Variants in KPNA7 observed in about 807,000 individuals in gnomAD.
KPNA7 encodes karyopherin subunit alpha 7, also known as importin subunit alpha-8.
In KPNA7, 54 loss-of-function variants were observed where a neutral mutation model predicts 53.7. That is an observed-to-expected ratio of 1.01 (90% CI 0.81 to 1.26). The LOEUF is 1.26. Among genes scored for constraint, KPNA7 ranks in the 50% most tolerant of loss-of-function variants. KPNA7 has a pLI of 0.00. For synonymous variants in KPNA7, 276 were observed against 259.3 expected, an observed-to-expected ratio of 1.06 and a Z score of -0.62; for missense variants, 640 against 644.5, an observed-to-expected ratio of 0.99 and a Z score of 0.07.
At chr7:99,218,565 G>A (rs950431926) in intron 1 of KPNA7, among the ~76,000 whole-genome samples, 1 of 152,164 alleles carries the variant, frequency 6.6e-6, no homozygotes, top group Non-Finnish European at 1.5e-5. Context: ...CACCCCGCAA[G>A]CCCGCGTCTG....
intron 5 of KPNA7, among the ~76,000 whole-genome samples, chr7:99,193,699 A>G (rs992329811): frequency 4.4e-4 from 67 of 150,806 alleles, no homozygotes; most frequent in Non-Finnish European, 8.7e-4. Context: ...GGAGGGGGAT[A>G]CAGGATCTCA....
the KPNA7 span, among the ~76,000 whole-genome samples, chr7:99,154,008 C>T: frequency 6.6e-6 from 1 of 151,880 alleles, no homozygotes; most frequent in Non-Finnish European, 1.5e-5. Context: ...TTGTTATGAT[C>T]CCCTCCCCCT....
At chr7:99,168,199 C>A in the KPNA7 span, among the ~76,000 whole-genome samples, 1 of 152,192 alleles carries the variant, frequency 6.6e-6, no homozygotes, top group African/African-American at 2.4e-5. Context: ...GCAGGAACTT[C>A]ATCTGCTTTA....
intron 10 of KPNA7, among the ~76,000 whole-genome samples, chr7:99,174,186 C>T (rs569818663): frequency 6.6e-6 from 1 of 152,274 alleles, no homozygotes; most frequent in African/African-American, 2.4e-5. Context: ...ATTAGATTCT[C>T]ATAGCAGCAC....
intron 5 of KPNA7, among the ~76,000 whole-genome samples, chr7:99,194,771 A>G (rs1168459283): frequency 1.3e-5 from 2 of 152,040 alleles, no homozygotes; most frequent in East Asian, 1.9e-4. Flanking sequence ...TGCCTGGCTA[A>G]TTTTTGTATA....
At chr7:99,179,134 A>G (rs902506063) in intron 9 of KPNA7, among the ~76,000 whole-genome samples, 1 of 152,122 alleles carries the variant, frequency 6.6e-6, no homozygotes, top group Non-Finnish European at 1.5e-5. Flanking sequence ...CATGGGGTTG[A>G]GTTTCTAATC....
chr7:99,193,090 C>G lies in KPNA7; in HGVS notation c.565G>C (p.Glu189Gln). 6.7e-7 allele frequency: 1 copy of G among 1,495,356 alleles called. No individual in the cohort carries two copies. The highest frequency in any genetic ancestry group is 1.4e-5 in the South Asian group (1 of 72,970). 92.6% of individuals were successfully genotyped at this position (1,495,356 alleles called of 1,614,324 possible). A position where few individuals can be genotyped will look rare whatever the true frequency, so the allele number is the denominator to read the frequency against. ...ALGNIAGDGP[E>Q]FRDNVITSNA... Reference sequence around the variant, plus strand: ...CTTGTGATGACGTTATCTCTGAACTCTGGGCCATCACCTACAAATAGAGCA... The same window carrying G: ...CTTGTGATGACGTTATCTCTGAACTGTGGGCCATCACCTACAAATAGAGCA... Residue 189 changes from glutamate (E) to glutamine (Q), a missense_variant, in exon 6 of 11, where the codon GAG (glutamate) becomes CAG (glutamine). By Grantham distance (29) the Glu-to-Gln change is conservative. Coordinates refer to ENST00000327442, the MANE Select transcript of KPNA7 (RefSeq NM_001145715.3).
chr7:99,165,497 G>C, the KPNA7 span, among the ~76,000 whole-genome samples: 1 of 152,122 alleles, frequency 6.6e-6, no homozygotes, highest in East Asian at 1.9e-4. Flanking sequence ...CACTGCAGAA[G>C]GAGATGAAGA....
chr7:99,162,900 G>T, the KPNA7 span, among the ~76,000 whole-genome samples: 1 of 152,054 alleles, frequency 6.6e-6, no homozygotes, highest in African/African-American at 2.4e-5. Context: ...TATATGTAAG[G>T]CTGGACACGG....
At chr7:99,209,625 G>T (rs574880511), upstream of KPNA7, among the ~76,000 whole-genome samples, 1 of 135,980 alleles carries the variant, frequency 7.4e-6, no homozygotes, top group Non-Finnish European at 1.5e-5. Flanking sequence ...GGAGGTTGCC[G>T]TGAGCCAAGA....
At chr7:99,209,158 AAAAAG>A (rs1226029526), upstream of KPNA7, among the ~76,000 whole-genome samples, 4 of 152,074 alleles carry the variant, frequency 2.6e-5, no homozygotes, top group Non-Finnish European at 5.9e-5. Context: ...TCTCAAAAAG[AAAAAG>A]AAAAGAAGGC....
the KPNA7 span, among the ~76,000 whole-genome samples, chr7:99,163,379 A>ATT: frequency 9.3e-3 from 545 of 58,734 alleles, 2 homozygotes; most frequent in Non-Finnish European, 0.013. Context: ...ATATATATAT[A>ATT]TATATTTTTT....
At chr7:99,199,674 A>C (rs1055393092) in intron 3 of KPNA7, among the ~76,000 whole-genome samples, 1 of 152,188 alleles carries the variant, frequency 6.6e-6, no homozygotes, top group African/African-American at 2.4e-5. Context: ...TTGTGACCTT[A>C]GATTAGGCAA....
chr7:99,151,513 C>T, the KPNA7 span, among the ~76,000 whole-genome samples: 1 of 150,564 alleles, frequency 6.6e-6, no homozygotes, highest in Non-Finnish European at 1.5e-5. Context: ...TGCAGTGGTG[C>T]GATCATAGCT....
downstream of KPNA7, among the ~76,000 whole-genome samples, chr7:99,170,510 T>C (rs1407041855): frequency 2.6e-5 from 4 of 152,152 alleles, no homozygotes; most frequent in East Asian, 7.7e-4. Flanking sequence ...ATTCTATTTT[T>C]TTCTTTTTCT....
At chr7:99,156,934 T>C in the KPNA7 span, among the ~76,000 whole-genome samples, 1 of 106,008 alleles carries the variant, frequency 9.4e-6, no homozygotes, top group Non-Finnish European at 2.5e-5. Flanking sequence ...GCCTCCTGAA[T>C]TGACTTTTTT....
chr7:99,186,613 C>T (rs1175646048), intron 7 of KPNA7, among the ~76,000 whole-genome samples: 1 of 151,932 alleles, frequency 6.6e-6, no homozygotes, highest in East Asian at 1.9e-4. Context: ...TGTGGTGGTG[C>T]ACACCTGTAG....
At chr7:99,207,886 G>A (rs950453756) in intron 1 of KPNA7, among the ~76,000 whole-genome samples, 142 bp downstream of exon 1, 8 of 150,676 alleles carry the variant, frequency 5.3e-5, no homozygotes, top group Admixed American at 2.7e-4. Context: ...CGCCCACCTC[G>A]GCCTCCCAAA....
intron 6 of KPNA7, among the ~76,000 whole-genome samples, chr7:99,188,789 TC>T (rs564016805): frequency 6.7e-4 from 102 of 152,236 alleles, no homozygotes; most frequent in African/African-American, 2.2e-3. Context: ...GTGATTCTCC[TC>T]CCTCAGCCTC....
Sources: allele counts gnomAD v4.1 joint callset (sites outside exome capture counted in the v4.1 genomes callset), GRCh38; gene constraint gnomAD v4.1.1; transcripts MANE v1.5; gene names NCBI Gene and HGNC (gene_info 2026-07-23, HGNC 2026-07-21).